The following GRHL2 variants were observed in gnomAD, a reference collection of about 807,000 sequenced individuals.
The protein encoded by GRHL2 is grainyhead-like protein 2 homolog.
A neutral mutation model predicts 83.8 loss-of-function variants in GRHL2; 21 were observed. That is an observed-to-expected ratio of 0.25 (90% CI 0.18 to 0.36). The LOEUF is 0.36. Ranked by LOEUF, GRHL2 falls within the 10% of genes least tolerant of loss-of-function variation. GRHL2 has a pLI of 1.00. For synonymous variants in GRHL2, 280 were observed against 278.9 expected, an observed-to-expected ratio of 1.00 and a Z score of -0.04; for missense variants, 623 against 781.8, an observed-to-expected ratio of 0.80 and a Z score of 2.42.
At position 101,552,702 on chromosome 8, in the gene GRHL2, G is replaced by A. The variant is rs1374047889; in HGVS notation, c.217-13G>A. On this transcript the variant is annotated splice_polypyrimidine_tract_variant and intron_variant, in intron 2 of 15. Coordinates refer to ENST00000646743, the MANE Select transcript of GRHL2 (RefSeq NM_024915.4). ...TCTGTGTATGTCTGACTGATGGTTG[G>A]TGATGTTTCCAGGTTCCTCGAGACA... 2 of 1,613,828 alleles carry A rather than the reference G, an allele frequency of 1.2e-6. No homozygotes were observed. The highest frequency in any genetic ancestry group is 2.2e-5 in the East Asian group (1 of 44,864).
chr8:101,605,181 T>C (rs1337009696), intron 8 of GRHL2, among the ~76,000 whole-genome samples: 1 of 152,098 alleles, frequency 6.6e-6, no homozygotes, highest in Non-Finnish European at 1.5e-5. Flanking sequence ...CCTAATGAGA[T>C]TGGAGGTGGG....
At chr8:101,524,547 TA>T (rs1039973974) in intron 1 of GRHL2, among the ~76,000 whole-genome samples, 8 of 151,144 alleles carry the variant, frequency 5.3e-5, no homozygotes, top group Admixed American at 4.6e-4. Context: ...GAGTTCTAAT[TA>T]AAAAAAAAGC....
chr8:101,494,477 G>GT (rs1426715577), intron 1 of GRHL2, among the ~76,000 whole-genome samples: 1 of 152,088 alleles, frequency 6.6e-6, no homozygotes, highest in African/African-American at 2.4e-5. Flanking sequence ...AGAGTGTGTG[G>GT]TTGTCTGAGA....
chr8:101,509,209 T>G (rs1331197550), intron 1 of GRHL2, among the ~76,000 whole-genome samples: 1 of 53,738 alleles, frequency 1.9e-5, no homozygotes, highest in African/African-American at 4.5e-5. Flanking sequence ...TTCTTTCTTC[T>G]TGTGTGTGTG....
chr8:101,632,693 G>GCTC (rs1813210341), intron 11 of GRHL2, among the ~76,000 whole-genome samples: 1 of 152,216 alleles, frequency 6.6e-6, no homozygotes, highest in Non-Finnish European at 1.5e-5. Context: ...ACACAATAGA[G>GCTC]CTCCACCTAA....
chr8:101,630,404 A>C (rs1813162639), intron 9 of GRHL2, among the ~76,000 whole-genome samples: 1 of 152,144 alleles, frequency 6.6e-6, no homozygotes, highest in Non-Finnish European at 1.5e-5. Flanking sequence ...GCTGTTTTTA[A>C]AATTTGAACC....
At chr8:101,614,471 G>T (rs1812814944) in intron 8 of GRHL2, among the ~76,000 whole-genome samples, 1 of 145,154 alleles carries the variant, frequency 6.9e-6, no homozygotes, top group African/African-American at 2.8e-5. Context: ...ATGAGCATTT[G>T]TAACTTTCTT....
chr8:101,540,709 T>G (rs977292023), intron 1 of GRHL2, among the ~76,000 whole-genome samples: 1 of 152,212 alleles, frequency 6.6e-6, no homozygotes, highest in Non-Finnish European at 1.5e-5. Flanking sequence ...ACGCCAGTTC[T>G]CCATCACAAA....
chr8:101,570,409 G>A lies in GRHL2; in HGVS notation c.734+15G>A. ...CAGACATCAAGGTGAGTTACCAGGA[G>A]ATGCATCCTTAGAAACTGATTAACT... On this transcript the variant is annotated intron_variant, in intron 5 of 15. Coordinates refer to ENST00000646743, the MANE Select transcript of GRHL2 (RefSeq NM_024915.4). The A allele has an allele frequency of 6.2e-7, 1 of 1,603,644 alleles. No homozygotes were observed. Among genetic ancestry groups the A allele is most frequent in the Non-Finnish European group, 8.5e-7 (1 of 1,170,440 alleles).
intron 2 of GRHL2, 172 bp downstream of exon 2, chr8:101,543,608 A>G: frequency 1.4e-6 from 1 of 691,494 alleles, no homozygotes; most frequent in South Asian, 1.6e-5. Flanking sequence ...CCATCTACAA[A>G]GCTCAACTTT....
chr8:101,494,134 C>T lies in GRHL2; in HGVS notation c.20+1345C>T, dbSNP rs117361558. Reference sequence around the variant, plus strand: ...CGAGGGGACCTTCCTGAAGGTGTCTCGCCGGAGAGGGCCGGTGCCCCAAGG... The same window carrying T: ...CGAGGGGACCTTCCTGAAGGTGTCTTGCCGGAGAGGGCCGGTGCCCCAAGG... On this transcript the variant is annotated intron_variant, in intron 1 of 15. Transcript: ENST00000646743. Among the ~76,000 whole-genome samples, 77 of 152,182 alleles carry T rather than the reference C, an allele frequency of 5.1e-4. 1 individual carries two copies. The East Asian group carries it at 0.014, about 28-fold the overall frequency.
intron 14 of GRHL2, among the ~76,000 whole-genome samples, chr8:101,657,664 C>G (rs1282282105): frequency 6.6e-6 from 1 of 151,922 alleles, no homozygotes; most frequent in African/African-American, 2.4e-5. Context: ...CATGGTGAAA[C>G]CCCGTCTCTA....
chr8:101,635,311 T>G (rs893710951), intron 11 of GRHL2, among the ~76,000 whole-genome samples: 12 of 152,288 alleles, frequency 7.9e-5, no homozygotes, highest in African/African-American at 2.9e-4. Context: ...GTTAGTGCAA[T>G]GGGCCCAACA....
chr8:101,675,224 G>C, the GRHL2 span, among the ~76,000 whole-genome samples: 1 of 152,162 alleles, frequency 6.6e-6, no homozygotes, highest in East Asian at 1.9e-4. Context: ...TTAGGCAGAA[G>C]AAGGAAATGA....
At chr8:101,503,637 C>T (rs1810276458) in intron 1 of GRHL2, among the ~76,000 whole-genome samples, 1 of 152,170 alleles carries the variant, frequency 6.6e-6, no homozygotes, top group Non-Finnish European at 1.5e-5. Flanking sequence ...ATATAAAGTG[C>T]CACATGATTT....
intron 14 of GRHL2, among the ~76,000 whole-genome samples, chr8:101,656,873 GACAC>G (rs35693999): frequency 0.48 from 70,991 of 147,214 alleles, 18,833 homozygotes; most frequent in Non-Finnish European, 0.59. Context: ...GTGTCTAACA[GACAC>G]ACACACACAC....
intron 1 of GRHL2, among the ~76,000 whole-genome samples, chr8:101,536,040 G>C (rs923206049): frequency 2.0e-5 from 3 of 152,314 alleles, no homozygotes; most frequent in African/African-American, 7.2e-5. Flanking sequence ...AATTTAGACA[G>C]AGAAGCAGGA....
intron 8 of GRHL2, among the ~76,000 whole-genome samples, chr8:101,612,191 T>C (rs538856338): frequency 1.1e-4 from 17 of 151,086 alleles, no homozygotes; most frequent in Admixed American, 1.0e-3. Context: ...GGTTTCACCA[T>C]GTTGGCCAGG....
chr8:101,652,848 T>C (rs1813701496), intron 14 of GRHL2, among the ~76,000 whole-genome samples: 1 of 152,192 alleles, frequency 6.6e-6, no homozygotes, highest in African/African-American at 2.4e-5. Context: ...CCCTGGTATA[T>C]ACCAAGTCCA....
Sources: gnomAD v4.1 joint callset for allele counts (sites outside exome capture counted in the v4.1 genomes callset) on GRCh38, gnomAD v4.1.1 for gene constraint, MANE v1.5 for transcripts, NCBI Gene and HGNC (gene_info 2026-07-23, HGNC 2026-07-21) for gene names.